CNTN1: variants seen among roughly 807,000 people sequenced by gnomAD.
CNTN1 encodes the protein contactin-1.
In CNTN1, 38 loss-of-function variants were observed where a neutral mutation model predicts 126.4. That is an observed-to-expected ratio of 0.30 (90% confidence interval 0.23 to 0.39). CNTN1 has a LOEUF of 0.39. Among genes scored for constraint, CNTN1 ranks in the 10% least tolerant of loss-of-function variants. CNTN1 has a pLI of 1.00. For missense variants in CNTN1, 1,009 were observed against 1,248.4 expected (o/e 0.81, Z 2.89); for synonymous variants, 413 against 422.6 (o/e 0.98, Z 0.28).
At chr12:41,043,913 A>G (rs1949480994) in intron 23 of CNTN1, among the ~76,000 whole-genome samples, 1 of 143,090 alleles carries the variant, frequency 7.0e-6, no homozygotes, top group Non-Finnish European at 1.5e-5. Context: ...AAAACCAAAC[A>G]CCGCATGTTC....
intron 1 of CNTN1, among the ~76,000 whole-genome samples, chr12:40,712,698 A>C (rs531888792): frequency 1.3e-5 from 2 of 152,288 alleles, no homozygotes; most frequent in Admixed American, 6.5e-5. Flanking sequence ...CAGCATTATC[A>C]GACAATAGCT....
chr12:41,056,750 G>A (rs569808356), intron 23 of CNTN1, among the ~76,000 whole-genome samples: 11 of 151,410 alleles, frequency 7.3e-5, no homozygotes, highest in South Asian at 2.1e-4. Context: ...GACTCCATCC[G>A]TACAAGTGGA....
chr12:40,828,999 A>G (rs1167840495), intron 1 of CNTN1, among the ~76,000 whole-genome samples: 2 of 152,170 alleles, frequency 1.3e-5, no homozygotes, highest in African/African-American at 2.4e-5. Flanking sequence ...TTACCCCTAT[A>G]CAATTATAGG....
At chr12:40,797,286 A>T (rs1322316970) in intron 1 of CNTN1, among the ~76,000 whole-genome samples, 1 of 152,128 alleles carries the variant, frequency 6.6e-6, no homozygotes, top group African/African-American at 2.4e-5. Flanking sequence ...GTATCACAGG[A>T]CACCTAACCT....
intron 3 of CNTN1, among the ~76,000 whole-genome samples, chr12:40,914,338 T>C (rs1945154935): frequency 6.6e-6 from 1 of 152,116 alleles, no homozygotes; most frequent in Non-Finnish European, 1.5e-5. Context: ...GAAACTAAGG[T>C]ACAGCCTGCG....
chr12:40,865,957 G>T (rs1011746576), intron 1 of CNTN1, among the ~76,000 whole-genome samples: 3 of 152,008 alleles, frequency 2.0e-5, no homozygotes, highest in African/African-American at 7.2e-5. Context: ...ACGAACATAA[G>T]ATGATTTTCC....
At chr12:40,822,624 T>A (rs1040448237) in intron 1 of CNTN1, among the ~76,000 whole-genome samples, 1 of 152,186 alleles carries the variant, frequency 6.6e-6, no homozygotes, top group African/African-American at 2.4e-5. Flanking sequence ...ACATGGCTTT[T>A]TGTCATATGG....
In CNTN1 at chr12:40,775,917, C is replaced by T. The variant is rs181234404; in HGVS notation, c.-77+83325C>T. Among the ~76,000 whole-genome samples the T allele has an allele frequency of 7.3e-4, 110 of 151,636 alleles. No homozygotes were observed. In the East Asian group the frequency reaches 0.011, roughly 16 times the overall value. On this transcript the variant is annotated intron_variant, in intron 1 of 23. Coordinates refer to ENST00000551295, the MANE Select transcript of CNTN1 (RefSeq NM_001843.4). Reference sequence around the variant, plus strand: ...ACGTAGTGTAAGTAGTATGTTGTCACTGCATAGTTACTTCATGAGTCAATT... The same window carrying T: ...ACGTAGTGTAAGTAGTATGTTGTCATTGCATAGTTACTTCATGAGTCAATT...
chr12:40,967,148 T>C (rs1164943600), intron 15 of CNTN1, among the ~76,000 whole-genome samples: 2 of 151,606 alleles, frequency 1.3e-5, no homozygotes, highest in African/African-American at 4.9e-5. Flanking sequence ...GCCTGGGCAG[T>C]AGAGCGAGAC....
chr12:40,919,079 C>T (rs994079662), intron 4 of CNTN1, among the ~76,000 whole-genome samples: 1 of 151,984 alleles, frequency 6.6e-6, no homozygotes, highest in African/African-American at 2.4e-5. Flanking sequence ...TAAAATTATG[C>T]ATAATTTAAA....
At chr12:40,933,637 A>ACAT (rs1185126424) in intron 8 of CNTN1, 60 bp from the exon 9 acceptor site, 1 of 1,554,680 alleles carries the variant, frequency 6.4e-7, no homozygotes, top group Admixed American at 1.7e-5. Context: ...TTAGCTATAA[A>ACAT]CATAAAGTAA....
intron 1 of CNTN1, among the ~76,000 whole-genome samples, chr12:40,767,608 CTTTT>C (rs869153853): frequency 4.9e-4 from 66 of 134,458 alleles, no homozygotes; most frequent in African/African-American, 1.5e-3. Flanking sequence ...GCTCCTGGCC[CTTTT>C]TTTGTTTGTT....
At chr12:40,786,079 G>A (rs143117532) in intron 1 of CNTN1, among the ~76,000 whole-genome samples, 38 of 152,284 alleles carry the variant, frequency 2.5e-4, no homozygotes, top group South Asian at 1.0e-3. Flanking sequence ...TAGGTCAGAC[G>A]TCCAGTATGG....
At chr12:40,829,774 C>G (rs998585545) in intron 1 of CNTN1, among the ~76,000 whole-genome samples, 5 of 152,108 alleles carry the variant, frequency 3.3e-5, no homozygotes, top group Non-Finnish European at 7.3e-5. Flanking sequence ...TCTTAGAAGT[C>G]TCCTGATGCT....
At chr12:41,065,851 G>A (rs1171285446) in intron 23 of CNTN1, among the ~76,000 whole-genome samples, 3 of 152,176 alleles carry the variant, frequency 2.0e-5, no homozygotes, top group Non-Finnish European at 1.5e-5. Flanking sequence ...TCTGTCATAC[G>A]AATCTGAATA....
chr12:40,966,627 T>C (rs1947318135), intron 15 of CNTN1, among the ~76,000 whole-genome samples: 1 of 152,220 alleles, frequency 6.6e-6, no homozygotes, highest in African/African-American at 2.4e-5. Flanking sequence ...CAATTACTTC[T>C]GGAATTTTAA....
chr12:41,040,191 C>T (rs998906122), intron 23 of CNTN1, among the ~76,000 whole-genome samples: 2 of 152,020 alleles, frequency 1.3e-5, no homozygotes, highest in Admixed American at 6.6e-5. Context: ...AAAACCTTCC[C>T]CATAATGTTC....
intron 16 of CNTN1, among the ~76,000 whole-genome samples, chr12:40,989,943 G>A (rs1948059909): frequency 6.6e-6 from 1 of 152,082 alleles, no homozygotes; most frequent in Non-Finnish European, 1.5e-5. Context: ...TAGACAGAAA[G>A]TGTTTTAAAT....
At chr12:40,934,847 A>G (rs1158670725) in intron 9 of CNTN1, among the ~76,000 whole-genome samples, 2 of 152,058 alleles carry the variant, frequency 1.3e-5, no homozygotes, top group African/African-American at 4.8e-5. Context: ...AAAGCTAATG[A>G]TCAATTCTCA....
Sources: gnomAD v4.1 joint callset for allele counts (sites outside exome capture counted in the v4.1 genomes callset) on GRCh38, gnomAD v4.1.1 for gene constraint, MANE v1.5 for transcripts, NCBI Gene and HGNC (gene_info 2026-07-23, HGNC 2026-07-21) for gene names.